KIF17: variants seen among roughly 807,000 people sequenced by gnomAD.
The protein encoded by KIF17 is kinesin-like protein KIF17.
A neutral mutation model predicts 96.8 loss-of-function variants in KIF17; 80 were observed. The ratio of observed to expected loss-of-function variants is 0.83; its 90% CI spans 0.69 to 1.00. The LOEUF is 1.00. Among genes scored for constraint, KIF17 ranks in the 50% least tolerant of loss-of-function variants. KIF17 has a pLI of 0.00. For synonymous variants in KIF17, 567 were observed against 587.5 expected (o/e 0.97, Z 0.51); for missense variants, 1,280 against 1,372.9 (o/e 0.93, Z 1.07).
chr1:20,683,610 G>A (rs557393251), intron 10 of KIF17, among the ~76,000 whole-genome samples: 16 of 151,982 alleles, frequency 1.1e-4, no homozygotes, highest in Admixed American at 5.2e-4. Flanking sequence ...AGCCGAGATC[G>A]CACCACTGCA....
chr1:20,717,162 G>A (rs190554871), intron 1 of KIF17, among the ~76,000 whole-genome samples: 211 of 152,218 alleles, frequency 1.4e-3, no homozygotes, highest in Admixed American at 4.1e-3. Flanking sequence ...AACCCCATCT[G>A]TACTAAAAAC....
At chr1:20,695,944 C>T (rs2154536635) in intron 6 of KIF17, among the ~76,000 whole-genome samples, 1 of 152,204 alleles carries the variant, frequency 6.6e-6, no homozygotes, top group East Asian at 1.9e-4. Flanking sequence ...AGCTGACCCC[C>T]AGCTCTTGCT....
intron 3 of KIF17, among the ~76,000 whole-genome samples, chr1:20,710,822 A>T (rs958023349): frequency 1.3e-5 from 2 of 152,130 alleles, no homozygotes; most frequent in African/African-American, 4.8e-5. Flanking sequence ...GGAATAGAGG[A>T]GTAACTGACA....
chr1:20,708,348 C>A (rs1033124887), intron 4 of KIF17, among the ~76,000 whole-genome samples: 30 of 152,232 alleles, frequency 2.0e-4, no homozygotes, highest in African/African-American at 7.2e-4. Context: ...CTGGGTAGTG[C>A]AGTGGTGCGA....
intron 11 of KIF17, among the ~76,000 whole-genome samples, chr1:20,675,404 C>T (rs1434306513): frequency 1.3e-5 from 2 of 150,482 alleles, no homozygotes; most frequent in African/African-American, 2.5e-5. Flanking sequence ...GCTGAGATCA[C>T]GCCATTGCAC....
chr1:20,706,466 C>T (rs2054342486), intron 4 of KIF17, among the ~76,000 whole-genome samples: 1 of 151,976 alleles, frequency 6.6e-6, no homozygotes, highest in Non-Finnish European at 1.5e-5. Context: ...TGGCACATGC[C>T]TGTAATCCCA....
chr1:20,684,940 CGGGGCCTG>C lies in KIF17; in HGVS notation c.2092_2099del (p.Gln698GlyfsTer8). 6.2e-7 allele frequency: 1 copy of C among 1,601,886 alleles called. No homozygotes were observed. Among genetic ancestry groups the C allele is most frequent in the Non-Finnish European group, 8.5e-7 (1 of 1,174,718 alleles). ...GCTCAGGCTGAGCCACCAGGGCCACCGGGGCCTGAGCCTCCAACCACACGCCAGGCTCT... is the reference window on the plus strand; with the variant it reads ...GCTCAGGCTGAGCCACCAGGGCCACCAGCCTCCAACCACACGCCAGGCTCT... On this transcript the variant is annotated frameshift_variant, in exon 10 of 15. Transcript: ENST00000400463. LOFTEE classifies it high-confidence loss of function.
intron 6 of KIF17, among the ~76,000 whole-genome samples, chr1:20,691,640 T>A (rs1044627003): frequency 9.2e-4 from 111 of 120,844 alleles, no homozygotes; most frequent in Middle Eastern, 8.1e-3. Context: ...TTTTTTTTTT[T>A]TTTTTTTTAG....
In KIF17 at chr1:20,717,787, G is replaced by A; in HGVS notation, c.-81C>T. ...CCCAGCAGCCCGGGCCAAGGGGCGGGGCCAGCGCCGGCCACGGGGGGCGGG... is the reference window on the plus strand; with the variant it reads ...CCCAGCAGCCCGGGCCAAGGGGCGGAGCCAGCGCCGGCCACGGGGGGCGGG... On this transcript the variant is annotated 5_prime_UTR_variant, in exon 1 of 15. Coordinates refer to ENST00000400463, the MANE Select transcript of KIF17 (RefSeq NM_001122819.3). 7.4e-7 allele frequency: 1 copy of A among 1,357,296 alleles called. No individual in the cohort carries two copies. The highest frequency in any genetic ancestry group is 9.4e-7 in the Non-Finnish European group (1 of 1,061,834). 84.1% of individuals were successfully genotyped at this position (1,357,296 alleles called of 1,614,324 possible).
In KIF17 at chr1:20,684,907, C is replaced by T. The variant is rs748392634; in HGVS notation, c.2133G>A (p.Pro711=). ...VALVAQPEPL[P]ATAGVKRESV... is the part of the protein sequence containing the mutation. ...TCTCCCTCTTCACACCAGCTGTGGCCGGCAGGGGCTCAGGCTGAGCCACCA... is the reference window on the plus strand; with the variant it reads ...TCTCCCTCTTCACACCAGCTGTGGCTGGCAGGGGCTCAGGCTGAGCCACCA... Residue 711 remains proline (P), a synonymous_variant, in exon 10 of 15, where the codon CCG becomes CCA. Coordinates refer to ENST00000400463, the MANE Select transcript of KIF17 (RefSeq NM_001122819.3). The T allele has an allele frequency of 1.3e-5, 20 of 1,595,142 alleles. No homozygotes were observed. Among genetic ancestry groups the T allele is most frequent in the African/African-American group, 8.1e-5 (6 of 74,520 alleles).
At chr1:20,661,723 C>T (rs1166599260), downstream of KIF17, among the ~76,000 whole-genome samples, 3 of 152,272 alleles carry the variant, frequency 2.0e-5, no homozygotes, top group African/African-American at 4.8e-5. Context: ...CTTGCGGGGT[C>T]CTCCCCGGGC....
intron 3 of KIF17, among the ~76,000 whole-genome samples, chr1:20,712,964 A>G (rs1270959066): frequency 7.4e-6 from 1 of 135,754 alleles, no homozygotes. Context: ...TATATTATAT[A>G]TATATTATCT....
intron 4 of KIF17, 150 bp from the exon 5 acceptor site, chr1:20,705,049 G>A (rs2054318578): frequency 2.7e-6 from 2 of 732,244 alleles, no homozygotes; most frequent in Non-Finnish European, 2.4e-6. Context: ...CTATTATTGG[G>A]TTCATCTTAC....
chr1:20,681,180 A>AT (rs2053824412), intron 11 of KIF17, among the ~76,000 whole-genome samples: 2 of 71,194 alleles, frequency 2.8e-5, no homozygotes, highest in Non-Finnish European at 6.9e-5. Context: ...AGAGGCAAAA[A>AT]GGTTTTGTTT....
In KIF17 at chr1:20,671,856, G is replaced by C. The variant is rs1208846799; in HGVS notation, c.2722+82C>G. 17 of 1,526,616 alleles carry C rather than the reference G, an allele frequency of 1.1e-5. No individual in the cohort carries two copies. The East Asian group carries it at 3.6e-4, about 32-fold the overall frequency. The allele number at this position is 1,526,616 out of a possible 1,614,324, so 94.6% of individuals were successfully genotyped here. A position where few individuals can be genotyped will look rare whatever the true frequency, so the allele number is the denominator to read the frequency against. On this transcript the variant is annotated intron_variant, in intron 12 of 14. Transcript: ENST00000400463. ...CTTCTACACCCACAGCCTGCAAGGAGAGGCCCACACTCCCTGCCAGTCTGC... is the reference window on the plus strand; with the variant it reads ...CTTCTACACCCACAGCCTGCAAGGACAGGCCCACACTCCCTGCCAGTCTGC...
intron 6 of KIF17, among the ~76,000 whole-genome samples, chr1:20,696,413 G>A (rs1410191198): frequency 6.6e-6 from 1 of 152,224 alleles, no homozygotes; most frequent in Non-Finnish European, 1.5e-5. Flanking sequence ...ATGGCTCACA[G>A]AAGAAACCTC....
intron 6 of KIF17, among the ~76,000 whole-genome samples, chr1:20,698,169 G>C (rs1356329487): frequency 6.6e-6 from 1 of 152,212 alleles, no homozygotes; most frequent in Admixed American, 6.5e-5. Flanking sequence ...GCAGTCTGGA[G>C]TCAAGAACTC....
Position 20,685,045 on chromosome 1 carries a change from G to A in KIF17, c.2020-25C>T, listed in dbSNP as rs750049097. 5.0e-5 allele frequency: 78 copies of A among 1,559,776 alleles called. No individual in the cohort carries two copies. The highest frequency in any genetic ancestry group is 6.4e-5 in the Non-Finnish European group (74 of 1,150,024). On this transcript the variant is annotated intron_variant, in intron 9 of 14. Transcript: ENST00000400463. The surrounding 1 kb of genome is among the most constrained non-coding windows in gnomAD (Gnocchi z 4.1). ...CCTGAGTGTGAAGAGAAACCCAGGT[G>A]GAGGTGGGAAGGCCGCCCCAACCCC...
At chr1:20,692,189 C>G (rs2054050993) in intron 6 of KIF17, among the ~76,000 whole-genome samples, 1 of 152,206 alleles carries the variant, frequency 6.6e-6, no homozygotes, top group African/African-American at 2.4e-5. Context: ...CTAGACACAC[C>G]CACTTCCTCC....
Sources: gnomAD v4.1 joint callset for allele counts (sites outside exome capture counted in the v4.1 genomes callset) on GRCh38, gnomAD v4.1.1 for gene constraint, Gnocchi (gnomAD v3.1) non-coding constraint, MANE v1.5 for transcripts, NCBI Gene and HGNC (gene_info 2026-07-23, HGNC 2026-07-21) for gene names.